Variants in CLTCL1 observed in about 807,000 individuals in gnomAD.
The protein encoded by CLTCL1 is clathrin heavy chain like 1, also known as clathrin heavy chain 2.
In CLTCL1, 159 loss-of-function variants were observed where a neutral mutation model predicts 190.0. That is an observed-to-expected ratio of 0.84 (90% confidence interval 0.74 to 0.95). The LOEUF is 0.95. CLTCL1 is among the 40% of genes least tolerant of loss of function. CLTCL1 has a pLI of 0.00. For missense variants in CLTCL1, 1,878 were observed against 2,033.4 expected, an observed-to-expected ratio of 0.92 and a Z score of 1.47; for synonymous variants, 752 against 769.6, an observed-to-expected ratio of 0.98 and a Z score of 0.38.
intron 2 of CLTCL1, among the ~76,000 whole-genome samples, chr22:19,254,442 G>A (rs564145622): frequency 6.6e-6 from 1 of 152,258 alleles, no homozygotes; most frequent in South Asian, 2.1e-4. Flanking sequence ...CTTCTTCAGA[G>A]GAATGTAAAA....
chr22:19,221,623 G>A lies in CLTCL1; in HGVS notation c.2562-12C>T, dbSNP rs782692327. Reference sequence around the variant, plus strand: ...GCAGCAGCTTGAGCCTTTGAAAGAAGGAAGGTGCTGTAAAGTCTCAAGGCT... The same window carrying A: ...GCAGCAGCTTGAGCCTTTGAAAGAAAGAAGGTGCTGTAAAGTCTCAAGGCT... On this transcript the variant is annotated splice_polypyrimidine_tract_variant and intron_variant, in intron 16 of 32. Transcript: ENST00000427926. 4.4e-5 allele frequency: 69 copies of A among 1,563,192 alleles called. No homozygotes were observed. The South Asian group carries it at 7.6e-4, about 17-fold the overall frequency.
intron 5 of CLTCL1, among the ~76,000 whole-genome samples, chr22:19,237,601 T>C (rs1189586760): frequency 6.6e-6 from 1 of 152,230 alleles, no homozygotes; most frequent in Non-Finnish European, 1.5e-5. Flanking sequence ...TGGAGCACAA[T>C]GTTCCTTATA....
chr22:19,191,100 C>A (rs1458424184), intron 27 of CLTCL1, among the ~76,000 whole-genome samples: 5 of 152,176 alleles, frequency 3.3e-5, no homozygotes, highest in Admixed American at 6.5e-5. Context: ...TTTAAAAAAA[C>A]ACAGAATTTG....
chr22:19,260,426 CTTT>C, intron 2 of CLTCL1, among the ~76,000 whole-genome samples: 1 of 148,534 alleles, frequency 6.7e-6, no homozygotes, highest in African/African-American at 2.6e-5. Flanking sequence ...CAGCTGGTAA[CTTT>C]AAATGGAAGG....
intron 1 of CLTCL1, among the ~76,000 whole-genome samples, chr22:19,285,284 A>G (rs1418220681): frequency 6.6e-6 from 1 of 151,706 alleles, no homozygotes; most frequent in African/African-American, 2.4e-5. Flanking sequence ...TAAAAAAAAG[A>G]AAAAGAAAAA....
At chr22:19,221,855 G>A (rs1325214507) in intron 16 of CLTCL1, 96 bp downstream of exon 16, 2 of 1,385,390 alleles carry the variant, frequency 1.4e-6, no homozygotes, top group South Asian at 1.3e-5. Flanking sequence ...GTACATGAAC[G>A]ACCAGCTATA....
chr22:19,268,967 G>A (rs782817321), intron 2 of CLTCL1, among the ~76,000 whole-genome samples: 6 of 151,932 alleles, frequency 3.9e-5, no homozygotes, highest in Non-Finnish European at 8.8e-5. Flanking sequence ...GCACATACCT[G>A]TAGTCCCAGC....
At chr22:19,184,323 G>A (rs903315507) in intron 29 of CLTCL1, 1 of 376,852 alleles carries the variant, frequency 2.7e-6, no homozygotes, top group Non-Finnish European at 5.4e-6. Context: ...TCCACTGACT[G>A]TGACCTGTGC....
At chr22:19,206,209 TC>T (rs2085045427) in intron 22 of CLTCL1, among the ~76,000 whole-genome samples, 1 of 151,612 alleles carries the variant, frequency 6.6e-6, no homozygotes, top group African/African-American at 2.4e-5. Context: ...TACAGGCCCT[TC>T]ACCCCCTTGT....
intron 2 of CLTCL1, among the ~76,000 whole-genome samples, chr22:19,261,867 A>T (rs1217369838): frequency 2.6e-5 from 4 of 152,240 alleles, no homozygotes; most frequent in African/African-American, 9.6e-5. Context: ...CTGATAAAGC[A>T]GCACCAGAGT....
intron 27 of CLTCL1, among the ~76,000 whole-genome samples, chr22:19,190,878 C>T (rs553489110): frequency 4.6e-5 from 7 of 151,630 alleles, no homozygotes; most frequent in African/African-American, 1.2e-4. Flanking sequence ...CCCGGGTTCA[C>T]GCCATTCTCC....
In CLTCL1 at chr22:19,260,835, C is replaced by A. The variant is rs548648455; in HGVS notation, c.251-6608G>T. On this transcript the variant is annotated intron_variant, in intron 2 of 32. Coordinates refer to ENST00000427926, the MANE Select transcript of CLTCL1 (RefSeq NM_007098.4). Reference sequence around the variant, plus strand: ...ATGCTAAATCTCCTCTGCCTGTGTTCTATGAATGGAAAAACAAGAGTCGTG... The same window carrying A: ...ATGCTAAATCTCCTCTGCCTGTGTTATATGAATGGAAAAACAAGAGTCGTG... 2.1e-5 allele frequency among the ~76,000 whole-genome samples: 3 copies of A among 142,310 alleles called. No homozygotes were observed. In the South Asian group the frequency reaches 6.9e-4, roughly 33 times the overall value. The allele number at this position is 142,310 out of a possible 152,430, so 93.4% of individuals were successfully genotyped here. A position where few individuals can be genotyped will look rare whatever the true frequency, so the allele number is the denominator to read the frequency against.
intron 20 of CLTCL1, 49 bp from the exon 21 acceptor site, chr22:19,209,163 C>CA (rs140750209): frequency 0.063 from 93,621 of 1,474,858 alleles, 3,110 homozygotes; most frequent in Middle Eastern, 0.11. Flanking sequence ...TAGTCAGCTC[C>CA]AAAAAACAGA....
chr22:19,283,249 A>T (rs1555988033), intron 1 of CLTCL1, among the ~76,000 whole-genome samples: 1 of 151,456 alleles, frequency 6.6e-6, no homozygotes, highest in Non-Finnish European at 1.5e-5. Context: ...CTGATAGGTA[A>T]CCTAGCTACA....
chr22:19,233,178 G>A lies in CLTCL1; in HGVS notation c.1509C>T (p.Leu503=), dbSNP rs1555959935. ...AETGQFQKIV[L]YAKKVGYTPD... ...CAACACACGTTACCTTTTTGGCATA[G>A]AGCACAATTTTCTGGAATTGGCCTG... Residue 503 remains leucine, a synonymous_variant, in exon 9 of 33, where the codon CTC becomes CTT. Coordinates refer to ENST00000427926, the MANE Select transcript of CLTCL1 (RefSeq NM_007098.4). The A allele has an allele frequency of 1.2e-6, 2 of 1,613,064 alleles. No homozygotes were observed. Among genetic ancestry groups the A allele is most frequent in the Admixed American group, 1.7e-5 (1 of 59,940 alleles).
At chr22:19,288,340 G>C (rs2087983460) in intron 1 of CLTCL1, among the ~76,000 whole-genome samples, 1 of 152,078 alleles carries the variant, frequency 6.6e-6, no homozygotes, top group African/African-American at 2.4e-5. Context: ...TGTATGCATA[G>C]GGAAAAAAAG....
Position 19,188,681 on chromosome 22 carries a change from G to A in CLTCL1, c.4324-590C>T, listed in dbSNP as rs541209257. The stretch of plus-strand genomic sequence containing the variant: ...CACTGGAGTGCAGTGCCGTGATCTC[G>A]GCTCACTGCATCCTCTGCCTCCCAG... On this transcript the variant is annotated intron_variant, in intron 27 of 32. Transcript: ENST00000427926. Among the ~76,000 whole-genome samples, 9 of 150,068 alleles carry A rather than the reference G, an allele frequency of 6.0e-5. No individual in the cohort carries two copies. The South Asian group carries it at 1.3e-3, about 21-fold the overall frequency.
chr22:19,214,481 T>C (rs1204299747), intron 19 of CLTCL1, among the ~76,000 whole-genome samples: 2 of 152,104 alleles, frequency 1.3e-5, no homozygotes, highest in African/African-American at 4.8e-5. Flanking sequence ...TTTTTGTTGG[T>C]TGTGTTGCAA....
chr22:19,257,617 C>T (rs558924207), intron 2 of CLTCL1: 2 of 412,512 alleles, frequency 4.8e-6, no homozygotes, highest in Non-Finnish European at 9.2e-6. Flanking sequence ...ATCAGCAGTC[C>T]AGCCGGCATC....
Sources: gnomAD v4.1 joint callset for allele counts (sites outside exome capture counted in the v4.1 genomes callset) on GRCh38, gnomAD v4.1.1 for gene constraint, MANE v1.5 for transcripts, NCBI Gene and HGNC (gene_info 2026-07-23, HGNC 2026-07-21) for gene names.